Variants in ATL2 observed in about 807,000 individuals in gnomAD.
The protein encoded by ATL2 is atlastin-2.
A neutral mutation model predicts 73.9 loss-of-function variants in ATL2; 31 were observed. That is an observed-to-expected ratio of 0.42 (90% CI 0.32 to 0.57). The LOEUF is 0.57. Ranked by LOEUF, ATL2 falls within the 20% of genes least tolerant of loss-of-function variation. The probability of loss-of-function intolerance (pLI) is 0.14; values close to 1 mark genes in which losing one functional copy is unlikely to be tolerated. For missense variants in ATL2, 738 were observed against 702.6 expected, an observed-to-expected ratio of 1.05 and a Z score of -0.57; for synonymous variants, 291 against 237.5, an observed-to-expected ratio of 1.23 and a Z score of -2.07.
chr2:38,296,403 C>G, intron 12 of ATL2: 1 of 1,535,376 alleles, frequency 6.5e-7, no homozygotes, highest in Non-Finnish European at 8.8e-7. Flanking sequence ...TTTATGCAGA[C>G]CGGCCCAGAC....
chr2:38,322,080 CTT>C (rs1668357247), intron 2 of ATL2, among the ~76,000 whole-genome samples: 1 of 151,974 alleles, frequency 6.6e-6, no homozygotes, highest in South Asian at 2.1e-4. Context: ...TTGTGAGTCT[CTT>C]GAGAGCAAAG....
chr2:38,369,206 T>G (rs532559696), intron 1 of ATL2, among the ~76,000 whole-genome samples: 1 of 152,010 alleles, frequency 6.6e-6, no homozygotes, highest in South Asian at 2.1e-4. Flanking sequence ...TCCCAGCACT[T>G]TGGGAGGCCA....
chr2:38,310,526 T>C (rs1667700054), intron 7 of ATL2, 79 bp from the exon 8 acceptor site: 23 of 1,168,982 alleles, frequency 2.0e-5, no homozygotes, highest in Non-Finnish European at 2.6e-5. Context: ...CAGACTCGCA[T>C]GCACACTATG....
At chr2:38,317,642 C>A (rs1469986622) in intron 4 of ATL2, among the ~76,000 whole-genome samples, 2 of 152,128 alleles carry the variant, frequency 1.3e-5, no homozygotes, top group African/African-American at 4.8e-5. Context: ...CTGAGTACCA[C>A]TTGTCATAGA....
chr2:38,362,532 G>A (rs575943513), intron 1 of ATL2, among the ~76,000 whole-genome samples: 4 of 152,176 alleles, frequency 2.6e-5, no homozygotes, highest in Non-Finnish European at 4.4e-5. Flanking sequence ...TGATTCAGCT[G>A]ATCCATGGAG....
chr2:38,348,832 A>C (rs1364084861), intron 1 of ATL2, among the ~76,000 whole-genome samples: 1 of 152,138 alleles, frequency 6.6e-6, no homozygotes, highest in Non-Finnish European at 1.5e-5. Flanking sequence ...ACAAGAAAAA[A>C]ACAAACAACC....
At chr2:38,320,863 AGCCAGGCACAGTGGCTCAC>A (rs1158530682) in intron 2 of ATL2, among the ~76,000 whole-genome samples, 1 of 152,066 alleles carries the variant, frequency 6.6e-6, no homozygotes, top group Non-Finnish European at 1.5e-5. Flanking sequence ...AAACAGTGTC[AGCCAGGCACAGTGGCTCAC>A]GCCTGTAATC....
At chr2:38,320,315 C>T (rs533052429) in intron 2 of ATL2, among the ~76,000 whole-genome samples, 19 of 152,098 alleles carry the variant, frequency 1.2e-4, no homozygotes, top group South Asian at 6.2e-4. Context: ...AAAAAGAGTC[C>T]TTATCTATTA....
intron 2 of ATL2, among the ~76,000 whole-genome samples, chr2:38,332,197 T>C (rs1037594178): frequency 6.6e-6 from 1 of 151,992 alleles, no homozygotes; most frequent in Non-Finnish European, 1.5e-5. Context: ...AGGGATTCAT[T>C]TTGAGATGAT....
At chr2:38,364,578 T>C (rs1405488937) in intron 1 of ATL2, among the ~76,000 whole-genome samples, 2 of 152,370 alleles carry the variant, frequency 1.3e-5, no homozygotes, top group East Asian at 1.9e-4. Context: ...TCACTTTTCT[T>C]ACATGCCTTA....
intron 2 of ATL2, among the ~76,000 whole-genome samples, chr2:38,325,384 A>C (rs1258727873): frequency 1.3e-5 from 2 of 152,146 alleles, no homozygotes; most frequent in Non-Finnish European, 2.9e-5. Context: ...TGGTAGGAAC[A>C]CTTAAATGGC....
chr2:38,316,641 C>A (rs1036504096), intron 4 of ATL2, among the ~76,000 whole-genome samples: 1 of 152,098 alleles, frequency 6.6e-6, no homozygotes, highest in African/African-American at 2.4e-5. Flanking sequence ...AAAGCACTTT[C>A]ATATGCATTA....
In ATL2 at chr2:38,298,359, G is replaced by A. The variant is rs1265077647; in HGVS notation, c.1417C>T (p.Arg473Cys). The change falls in exon 12 of 13, where the codon CGT becomes TGT. Residue 473 changes from arginine (R) to cysteine (C), a missense_variant. Transcript: ENST00000378954. Reference protein sequence around the residue: ...NDGKNIFYAARTPATLFAVMF... With the variant: ...NDGKNIFYAACTPATLFAVMF... ...ACCGCAAACAGTGTGGCTGGGGTAC[G>A]AGCAGCATAGAAGATATTTTTGCCA... The A allele has an allele frequency of 1.3e-5, 21 of 1,614,186 alleles. No individual in the cohort carries two copies. The highest frequency in any genetic ancestry group is 1.5e-5 in the Non-Finnish European group (18 of 1,180,012).
intron 9 of ATL2, among the ~76,000 whole-genome samples, chr2:38,304,042 T>C (rs1039968146): frequency 6.6e-6 from 1 of 152,034 alleles, no homozygotes. Context: ...GATGGGAGGA[T>C]CACTTGAGGC....
At chr2:38,374,075 G>C (rs2124508720) in intron 1 of ATL2, among the ~76,000 whole-genome samples, 1 of 152,252 alleles carries the variant, frequency 6.6e-6, no homozygotes, top group Non-Finnish European at 1.5e-5. Flanking sequence ...ATTTTTAGTA[G>C]AGAGGGGGTT....
At chr2:38,366,196 C>T (rs1671323479) in intron 1 of ATL2, among the ~76,000 whole-genome samples, 3 of 151,784 alleles carry the variant, frequency 2.0e-5, no homozygotes, top group African/African-American at 7.3e-5. Context: ...GACAGGATTC[C>T]TTGTAGTAAA....
intron 1 of ATL2, among the ~76,000 whole-genome samples, chr2:38,361,353 CAAAA>C (rs921670483): frequency 1.7e-5 from 1 of 59,790 alleles, no homozygotes; most frequent in Admixed American, 1.9e-4. Flanking sequence ...GACTCCGTCT[CAAAA>C]AAAAAAAAAA....
intron 1 of ATL2, among the ~76,000 whole-genome samples, chr2:38,371,101 C>G (rs1671664162): frequency 6.6e-6 from 1 of 152,084 alleles, no homozygotes; most frequent in South Asian, 2.1e-4. Flanking sequence ...TTTTAAAAAG[C>G]TCTCCATTTA....
intron 7 of ATL2, among the ~76,000 whole-genome samples, chr2:38,311,098 A>G (rs1053624192): frequency 4.6e-5 from 7 of 151,602 alleles, no homozygotes; most frequent in Admixed American, 2.6e-4. Flanking sequence ...AAGTACTTAC[A>G]ACAGCAACAA....
Sources: allele counts gnomAD v4.1 joint callset (sites outside exome capture counted in the v4.1 genomes callset), GRCh38; gene constraint gnomAD v4.1.1; transcripts MANE v1.5; gene names NCBI Gene and HGNC (gene_info 2026-07-23, HGNC 2026-07-21).